The following DLG1 variants were observed in gnomAD, a reference collection of about 807,000 sequenced individuals.
DLG1 encodes disks large homolog 1.
DLG1 carries 42 observed loss-of-function variants against 123.4 expected under a neutral mutation model. That is an observed-to-expected ratio of 0.34 (90% CI 0.27 to 0.44). The LOEUF (loss-of-function observed/expected upper bound fraction) is 0.44, where lower values mean the gene tolerates loss of function less well. Among genes scored for constraint, DLG1 ranks in the 20% least tolerant of loss-of-function variants. The probability of loss-of-function intolerance (pLI) is 1.00; values close to 1 mark genes in which losing one functional copy is unlikely to be tolerated. For missense variants in DLG1, 942 were observed against 1,082.6 expected (o/e 0.87, Z 1.82); for synonymous variants, 317 against 356.2 (o/e 0.89, Z 1.24).
intron 4 of DLG1, among the ~76,000 whole-genome samples, chr3:197,276,472 T>A (rs145210441): frequency 6.6e-6 from 1 of 152,356 alleles, no homozygotes; most frequent in Non-Finnish European, 1.5e-5. Context: ...AAAAATATCC[T>A]TGCTGTCAAT....
At chr3:197,063,170 T>C (rs1737000253) in intron 22 of DLG1, among the ~76,000 whole-genome samples, 1 of 148,300 alleles carries the variant, frequency 6.7e-6, no homozygotes, top group Non-Finnish European at 1.5e-5. Flanking sequence ...GCAGGTTTAT[T>C]GTACCCTAAA....
At chr3:197,280,274 T>C (rs1768585408) in intron 4 of DLG1, among the ~76,000 whole-genome samples, 1 of 152,138 alleles carries the variant, frequency 6.6e-6, no homozygotes, top group African/African-American at 2.4e-5. Flanking sequence ...TGACCTCCAG[T>C]TCCATCCATG....
chr3:197,051,797 C>T (rs1727922918), intron 23 of DLG1, 129 bp from the exon 24 acceptor site: 2 of 498,450 alleles, frequency 4.0e-6, no homozygotes, highest in African/African-American at 4.2e-5. Context: ...ATATGAATGT[C>T]ATTAAAAACT....
intron 5 of DLG1, among the ~76,000 whole-genome samples, chr3:197,152,363 T>C (rs1302110163): frequency 6.6e-6 from 1 of 151,902 alleles, no homozygotes; most frequent in Non-Finnish European, 1.5e-5. Flanking sequence ...TGTAGTTGTT[T>C]GATTTTCCAT....
intron 4 of DLG1, among the ~76,000 whole-genome samples, chr3:197,194,819 C>T (rs1721545177): frequency 6.6e-6 from 1 of 152,022 alleles, no homozygotes; most frequent in Admixed American, 6.5e-5. Context: ...CAAGAGAAGA[C>T]TGAATATTGA....
chr3:197,075,911 A>C (rs1278208349), intron 18 of DLG1: 2 of 1,585,516 alleles, frequency 1.3e-6, no homozygotes, highest in African/African-American at 1.3e-5. Flanking sequence ...ATAAAAAGAT[A>C]ATCAAAGAAA....
chr3:197,189,549 G>C lies in DLG1; in HGVS notation c.483+4876C>G, dbSNP rs138592603. On this transcript the variant is annotated intron_variant, in intron 5 of 24. Transcript: ENST00000667157. ...AGCCAGCAAACCAAAGTGAGGGAAA[G>C]GGGACTAGTGAGGGAAAGGGGACTA... Among the ~76,000 whole-genome samples the C allele has an allele frequency of 3.2e-3, 490 of 152,194 alleles. 4 individuals are homozygous for C. Among genetic ancestry groups the C allele is most frequent in the South Asian group, 0.022 (104 of 4,812 alleles).
chr3:197,212,823 AAAG>A (rs938640331), intron 4 of DLG1, among the ~76,000 whole-genome samples: 2 of 152,202 alleles, frequency 1.3e-5, no homozygotes, highest in Non-Finnish European at 2.9e-5. Flanking sequence ...ACACTTAACA[AAAG>A]AAGATTTACT....
chr3:197,075,936 T>G lies in DLG1; in HGVS notation c.2005+650A>C, dbSNP rs928503031. Reference sequence around the variant, plus strand: ...AATCAAAGAAAATAGTTGTCAGTAATGCATAAAATTGGTGCTACAGTAAGA... The same window carrying G: ...AATCAAAGAAAATAGTTGTCAGTAAGGCATAAAATTGGTGCTACAGTAAGA... On this transcript the variant is annotated intron_variant, in intron 18 of 24. Coordinates refer to ENST00000667157, the MANE Select transcript of DLG1 (RefSeq NM_001366207.1). The G allele has an allele frequency of 3.5e-6, 5 of 1,423,306 alleles. No individual in the cohort carries two copies. In the African/African-American group the frequency reaches 7.1e-5, roughly 20 times the overall value. The allele number at this position is 1,423,306 out of a possible 1,614,324, so 88.2% of individuals were successfully genotyped here. A position where few individuals can be genotyped will look rare whatever the true frequency, so the allele number is the denominator to read the frequency against.
intron 4 of DLG1, among the ~76,000 whole-genome samples, chr3:197,233,485 C>G (rs1368593181): frequency 6.6e-6 from 1 of 152,206 alleles, no homozygotes; most frequent in African/African-American, 2.4e-5. Flanking sequence ...GTCGCAGGTT[C>G]AAGCAATTCT....
At chr3:197,192,100 G>A (rs891105097) in intron 5 of DLG1, among the ~76,000 whole-genome samples, 1 of 152,026 alleles carries the variant, frequency 6.6e-6, no homozygotes. Flanking sequence ...CTTGAGCCTA[G>A]GAGTTTGGGG....
chr3:197,125,102 T>C (rs143747442), intron 11 of DLG1, among the ~76,000 whole-genome samples: 3 of 152,196 alleles, frequency 2.0e-5, no homozygotes, highest in African/African-American at 7.2e-5. Context: ...TATAATTACA[T>C]AGGTATATCT....
At chr3:197,086,478 T>C (rs1255684981) in intron 15 of DLG1, among the ~76,000 whole-genome samples, 2 of 152,194 alleles carry the variant, frequency 1.3e-5, no homozygotes, top group Admixed American at 1.3e-4. Context: ...TAAGAAAGGA[T>C]CACAGCAATT....
chr3:197,076,770 G>T, intron 17 of DLG1, 85 bp from the exon 18 acceptor site: 1 of 857,262 alleles, frequency 1.2e-6, no homozygotes, highest in South Asian at 1.5e-5. Context: ...TGTGGAAGCT[G>T]ACTCCTATGA....
chr3:197,179,764 T>C (rs1021475168), intron 5 of DLG1, among the ~76,000 whole-genome samples: 4 of 152,146 alleles, frequency 2.6e-5, no homozygotes, highest in Non-Finnish European at 5.9e-5. Context: ...ATCCAATGCA[T>C]AGCTCTAAAA....
chr3:197,147,192 G>T (rs1791242099), intron 6 of DLG1, among the ~76,000 whole-genome samples: 1 of 152,128 alleles, frequency 6.6e-6, no homozygotes, highest in Admixed American at 6.5e-5. Context: ...CTGTTGATGG[G>T]AATGTAAACT....
At chr3:197,159,457 A>C (rs901042727) in intron 5 of DLG1, among the ~76,000 whole-genome samples, 2 of 152,208 alleles carry the variant, frequency 1.3e-5, no homozygotes, top group African/African-American at 4.8e-5. Flanking sequence ...TATAAAACTC[A>C]GAGAGGGTAA....
rs138828501 is a variant in DLG1, at chr3:197,246,726, G to A, written c.318+35953C>T. Among the ~76,000 whole-genome samples the A allele has an allele frequency of 5.4e-4, 82 of 152,304 alleles. 1 individual carries two copies. Among genetic ancestry groups the A allele is most frequent in the Admixed American group, 3.4e-3 (52 of 15,294 alleles). ...AAATGATTTTTCTAGGGATGGCAGC[G>A]CTAAGACAGGAATAGCGATGGGTAG... On this transcript the variant is annotated intron_variant, in intron 4 of 24. Transcript: ENST00000667157.
chr3:197,174,325 A>C (rs528286210), intron 5 of DLG1, among the ~76,000 whole-genome samples: 1 of 152,210 alleles, frequency 6.6e-6, no homozygotes, highest in African/African-American at 2.4e-5. Flanking sequence ...CTCTCTCCCC[A>C]AAAACCATGG....
Sources: allele counts gnomAD v4.1 joint callset (sites outside exome capture counted in the v4.1 genomes callset), GRCh38; gene constraint gnomAD v4.1.1; transcripts MANE v1.5; gene names NCBI Gene and HGNC (gene_info 2026-07-23, HGNC 2026-07-21).